The following STRBP variants were observed in gnomAD, a reference collection of about 807,000 sequenced individuals.
STRBP encodes spermatid perinuclear RNA binding protein, also known as spermatid perinuclear RNA-binding protein.
Under a neutral mutation model 80.1 loss-of-function variants are expected in STRBP, and 13 were observed. That is an observed-to-expected ratio of 0.16 (90% CI 0.11 to 0.26). The LOEUF is 0.26. Among genes scored for constraint, STRBP ranks in the 10% least tolerant of loss-of-function variants. STRBP has a pLI of 1.00. For synonymous variants in STRBP, 284 were observed against 291.2 expected, an observed-to-expected ratio of 0.98 and a Z score of 0.25; for missense variants, 485 against 815.2, an observed-to-expected ratio of 0.59 and a Z score of 4.93.
rs1486235305 is a variant in STRBP, at chr9:123,125,629, T to C, written c.1987A>G (p.Thr663Ala). The C allele has an allele frequency of 6.2e-7, 1 of 1,613,626 alleles. No homozygotes were observed. The highest frequency in any genetic ancestry group is 8.5e-7 in the Non-Finnish European group (1 of 1,179,798). ...MVLLPVMKFP[T>A]YPVPHYSFF ...AATGAGTAGTGGGGAACAGGATATG[T>C]TGGAAATTTCATAACGGGTAACAGA... Residue 663 changes from threonine to alanine, a missense_variant, in exon 19 of 19, where the codon ACA (threonine) becomes GCA (alanine). This residue lies in a region of STRBP where 85 missense variants were observed against 120.1 expected (regional missense o/e 0.71). Transcript: ENST00000348403.
At chr9:123,200,818 T>C (rs915298400) in intron 2 of STRBP, among the ~76,000 whole-genome samples, 9 of 139,618 alleles carry the variant, frequency 6.4e-5, no homozygotes, top group African/African-American at 1.6e-4. Context: ...CCTGACCTCA[T>C]GAGCCGCCCG....
At chr9:123,267,444 T>C (rs1278908995) in intron 1 of STRBP, among the ~76,000 whole-genome samples, 11 of 147,888 alleles carry the variant, frequency 7.4e-5, no homozygotes, top group Non-Finnish European at 1.6e-4. Flanking sequence ...TTCCACCCCA[T>C]ACTCCTCTTC....
chr9:123,163,394 C>G (rs149148235), intron 6 of STRBP, among the ~76,000 whole-genome samples: 143 of 152,282 alleles, frequency 9.4e-4, no homozygotes, highest in African/African-American at 3.3e-3. Flanking sequence ...TTGCTACAGA[C>G]AGTCAACATT....
At position 123,122,965 on chromosome 9, in the gene STRBP, CA is replaced by C. The variant is rs2035778699; in HGVS notation, c.*2631del. 2 of 985,336 alleles carry C rather than the reference CA, an allele frequency of 2.0e-6. No individual in the cohort carries two copies. Among genetic ancestry groups the C allele is most frequent in the Non-Finnish European group, 2.4e-6 (2 of 829,938 alleles). The allele number at this position is 985,336 out of a possible 1,614,324, so 61.0% of individuals were successfully genotyped here. ...TTAAAACAGACACCGTGGCTTTGAA[CA>C]AAGTATTGCTCTTCTTTAAAATGAT... On this transcript the variant is annotated 3_prime_UTR_variant, in exon 19 of 19. Coordinates refer to ENST00000348403, the MANE Select transcript of STRBP (RefSeq NM_018387.5).
rs2035818059 is a variant in STRBP, at chr9:123,124,280, CAG to C, written c.*1315_*1316del. 4 of 985,436 alleles carry C rather than the reference CAG, an allele frequency of 4.1e-6. No individual in the cohort carries two copies. In the African/African-American group the frequency reaches 5.2e-5, roughly 13 times the overall value. 61.0% of individuals were successfully genotyped at this position (985,436 alleles called of 1,614,324 possible). ...AGACATGGTGCCTTATAAATATTGA[CAG>C]GGGACCACACTGCTGCTCCTTCATG... On this transcript the variant is annotated 3_prime_UTR_variant, in exon 19 of 19. Coordinates refer to ENST00000348403, the MANE Select transcript of STRBP (RefSeq NM_018387.5).
intron 2 of STRBP, among the ~76,000 whole-genome samples, chr9:123,186,071 GT>G (rs1264436512): frequency 6.6e-6 from 1 of 151,364 alleles, no homozygotes; most frequent in Non-Finnish European, 1.5e-5. Context: ...GCCAGGCATG[GT>G]GGCTCGCGCC....
At chr9:123,244,575 A>T (rs747375683) in intron 1 of STRBP, among the ~76,000 whole-genome samples, 11 of 152,216 alleles carry the variant, frequency 7.2e-5, no homozygotes, top group Non-Finnish European at 1.3e-4. Flanking sequence ...GAACTCTCTG[A>T]ATTATCTGCC....
intron 4 of STRBP, among the ~76,000 whole-genome samples, chr9:123,176,726 T>C (rs1379419098): frequency 6.6e-6 from 1 of 152,168 alleles, no homozygotes; most frequent in Non-Finnish European, 1.5e-5. Flanking sequence ...GACAGCATGA[T>C]TGAGCAAAAA....
At chr9:123,227,510 T>C (rs2040272985) in intron 2 of STRBP, among the ~76,000 whole-genome samples, 1 of 152,020 alleles carries the variant, frequency 6.6e-6, no homozygotes, top group African/African-American at 2.4e-5. Flanking sequence ...ATGCAGGGTT[T>C]TGAGCAGAAA....
At chr9:123,149,991 G>A in intron 11 of STRBP, among the ~76,000 whole-genome samples, 1 of 152,304 alleles carries the variant, frequency 6.6e-6, no homozygotes, top group East Asian at 1.9e-4. Context: ...TGAGTGTAAT[G>A]AAGGACAATT....
intron 2 of STRBP, among the ~76,000 whole-genome samples, chr9:123,234,997 G>T (rs10818795): frequency 4.6e-3 from 94 of 20,626 alleles, no homozygotes; most frequent in South Asian, 0.022. Context: ...CTTTTTTTTT[G>T]GGGGGGGGGG....
Position 123,124,752 on chromosome 9 carries a change from C to T in STRBP, c.*845G>A, listed in dbSNP as rs1418398287. ...TATTATTTTTAAAAACTTGGAAATT[C>T]ATAAACTAGGATAATCACATTCTCC... is the stretch of plus-strand genomic sequence containing the variant. On this transcript the variant is annotated 3_prime_UTR_variant, in exon 19 of 19. Transcript: ENST00000348403. 2 of 985,398 alleles carry T rather than the reference C, an allele frequency of 2.0e-6. No homozygotes were observed. The allele number at this position is 985,398 out of a possible 1,614,324, so 61.0% of individuals were successfully genotyped here. A position where few individuals can be genotyped will look rare whatever the true frequency, so the allele number is the denominator to read the frequency against.
At chr9:123,262,306 G>T (rs1406686100) in intron 1 of STRBP, among the ~76,000 whole-genome samples, 1 of 152,274 alleles carries the variant, frequency 6.6e-6, no homozygotes, top group Admixed American at 6.5e-5. Context: ...TAGAGACAGA[G>T]CCCTTTAGGA....
chr9:123,168,701 G>A (rs1451038759), intron 6 of STRBP, among the ~76,000 whole-genome samples: 2 of 152,158 alleles, frequency 1.3e-5, no homozygotes, highest in Non-Finnish European at 2.9e-5. Context: ...GCCCAGATAG[G>A]CTGCAATGCC....
chr9:123,199,475 T>C (rs774560850), intron 2 of STRBP, among the ~76,000 whole-genome samples: 13 of 152,234 alleles, frequency 8.5e-5, no homozygotes, highest in African/African-American at 1.7e-4. Flanking sequence ...TTGGGCAGTA[T>C]AGTCATTTTC....
At chr9:123,254,456 C>CAAAAAAAAAAAAAAAAAA (rs1205708821) in intron 1 of STRBP, among the ~76,000 whole-genome samples, 1 of 65,738 alleles carries the variant, frequency 1.5e-5, no homozygotes, top group Non-Finnish European at 4.5e-5. Context: ...GACTCCGTCT[C>CAAAAAAAAAAAAAAAAAA]AAAAAAAAAA....
chr9:123,207,471 T>C (rs2039559104), intron 2 of STRBP, among the ~76,000 whole-genome samples: 2 of 152,178 alleles, frequency 1.3e-5, no homozygotes, highest in South Asian at 4.1e-4. Context: ...ATATCATTTA[T>C]GGAGAGAGAT....
At chr9:123,214,143 T>TATACAC (rs1223999323) in intron 2 of STRBP, among the ~76,000 whole-genome samples, 1 of 124,922 alleles carries the variant, frequency 8.0e-6, no homozygotes, top group Admixed American at 8.0e-5. Context: ...TATATATATG[T>TATACAC]ATACACACAC....
chr9:123,173,934 T>A lies in STRBP; in HGVS notation c.225-92A>T, dbSNP rs1201212127. On this transcript the variant is annotated intron_variant, in intron 4 of 18. Coordinates refer to ENST00000348403, the MANE Select transcript of STRBP (RefSeq NM_018387.5). ...TGGCTTCCTGAATACTCTTACAAACTGATAAGGGAGTATGTAAATCCAGAC... is the reference window on the plus strand; with the variant it reads ...TGGCTTCCTGAATACTCTTACAAACAGATAAGGGAGTATGTAAATCCAGAC... 3 of 1,345,314 alleles carry A rather than the reference T, an allele frequency of 2.2e-6. No individual in the cohort carries two copies. The African/African-American group carries it at 4.4e-5, about 20-fold the overall frequency. The allele number at this position is 1,345,314 out of a possible 1,614,324, so 83.3% of individuals were successfully genotyped here.
Sources: allele counts gnomAD v4.1 joint callset (sites outside exome capture counted in the v4.1 genomes callset), GRCh38; gene constraint gnomAD v4.1.1; regional missense constraint gnomAD v4.1.1; transcripts MANE v1.5; gene names NCBI Gene and HGNC (gene_info 2026-07-23, HGNC 2026-07-21).